ATP10B: variants seen among roughly 807,000 people sequenced by gnomAD.
ATP10B encodes phospholipid-transporting ATPase VB.
Under a neutral mutation model 141.2 loss-of-function variants are expected in ATP10B, and 122 were observed. The ratio of observed to expected loss-of-function variants is 0.86; its 90% CI spans 0.75 to 1.00. The LOEUF (loss-of-function observed/expected upper bound fraction) is 1.00. Among genes scored for constraint, ATP10B ranks in the 50% least tolerant of loss-of-function variants. ATP10B has a pLI of 0.00. For synonymous variants in ATP10B, 685 were observed against 692.0 expected (o/e 0.99, Z 0.16); for missense variants, 1,876 against 1,825.3 (o/e 1.03, Z -0.51).
intron 13 of ATP10B, among the ~76,000 whole-genome samples, chr5:160,629,741 A>G (rs1758814750): frequency 6.6e-6 from 1 of 152,172 alleles, no homozygotes; most frequent in Admixed American, 6.5e-5. Flanking sequence ...CATTTTAACA[A>G]TGGGTAGGTT....
At chr5:160,719,709 A>G (rs1419934581) in intron 2 of ATP10B, among the ~76,000 whole-genome samples, 1 of 152,262 alleles carries the variant, frequency 6.6e-6, no homozygotes. Flanking sequence ...AAGTAAAATA[A>G]TATGGCCATT....
At chr5:160,590,958 T>A in intron 23 of ATP10B, 101 bp downstream of exon 23, 1 of 998,012 alleles carries the variant, frequency 1.0e-6, no homozygotes, top group Non-Finnish European at 1.5e-6. Flanking sequence ...GAGCCTCTGC[T>A]CTAAAGTGTC....
intron 13 of ATP10B, among the ~76,000 whole-genome samples, chr5:160,625,334 A>G: frequency 6.6e-6 from 1 of 152,218 alleles, no homozygotes; most frequent in East Asian, 1.9e-4. Context: ...GCGTTTGTAT[A>G]TCTAATCCTT....
intron 6 of ATP10B, among the ~76,000 whole-genome samples, chr5:160,680,671 A>T (rs1439327498): frequency 6.6e-6 from 1 of 152,230 alleles, no homozygotes; most frequent in African/African-American, 2.4e-5. Context: ...TTTTTAAAAA[A>T]ACTTTGGCTT....
intron 3 of ATP10B, among the ~76,000 whole-genome samples, chr5:160,706,807 T>C (rs1428861681): frequency 1.3e-5 from 2 of 152,138 alleles, no homozygotes; most frequent in African/African-American, 4.8e-5. Context: ...CTGGGTGATT[T>C]TTTCACTTCT....
chr5:160,851,839 A>C (rs1256374580), intron 1 of ATP10B, 102 bp downstream of exon 1: 1 of 152,166 alleles, frequency 6.6e-6, no homozygotes, highest in Non-Finnish European at 1.5e-5. Flanking sequence ...GTGTAAAGAA[A>C]AGTAGTCATA....
At chr5:160,894,370 G>A in the ATP10B span, among the ~76,000 whole-genome samples, 1 of 151,802 alleles carries the variant, frequency 6.6e-6, no homozygotes, top group African/African-American at 2.4e-5. Context: ...TGACCTGATG[G>A]AGCTGAAAAA....
intron 1 of ATP10B, among the ~76,000 whole-genome samples, chr5:160,812,332 A>G (rs562766424): frequency 4.6e-5 from 7 of 152,318 alleles, no homozygotes; most frequent in African/African-American, 1.7e-4. Flanking sequence ...TATAATAAAT[A>G]CTTAACTATT....
At chr5:160,596,750 C>G (rs1000523258) in intron 22 of ATP10B, among the ~76,000 whole-genome samples, 6 of 151,978 alleles carry the variant, frequency 3.9e-5, no homozygotes, top group Non-Finnish European at 7.4e-5. Context: ...ACACCAATAA[C>G]AGACAAACAG....
chr5:160,914,166 GTTT>G, the ATP10B span, among the ~76,000 whole-genome samples: 1 of 152,078 alleles, frequency 6.6e-6, no homozygotes, highest in African/African-American at 2.4e-5. Context: ...AATTGAACAG[GTTT>G]TTTTATGTTT....
intron 9 of ATP10B, among the ~76,000 whole-genome samples, chr5:160,643,039 A>AGTCTGGAGG (rs1311587748): frequency 6.6e-6 from 1 of 151,396 alleles, no homozygotes; most frequent in Non-Finnish European, 1.5e-5. Context: ...ATTGCTGGAG[A>AGTCTGGAGG]GTTCATTTTT....
the ATP10B span, among the ~76,000 whole-genome samples, chr5:160,867,941 C>T: frequency 3.9e-5 from 6 of 152,150 alleles, no homozygotes; most frequent in Non-Finnish European, 7.4e-5. Context: ...TTTCTCAGAG[C>T]TGAACATGTA....
chr5:160,766,964 T>C (rs551994022), intron 2 of ATP10B, among the ~76,000 whole-genome samples: 6 of 151,994 alleles, frequency 3.9e-5, no homozygotes, highest in Admixed American at 6.6e-5. Context: ...CTTTGGGGGA[T>C]TTTTCAAGCT....
intron 2 of ATP10B, among the ~76,000 whole-genome samples, chr5:160,736,235 G>GA (rs1225004800): frequency 6.6e-6 from 1 of 151,670 alleles, no homozygotes; most frequent in Non-Finnish European, 1.5e-5. Flanking sequence ...GCCAGACCAA[G>GA]AAAAAAAGAG....
chr5:160,852,517 A>C (rs1301001501), upstream of ATP10B, among the ~76,000 whole-genome samples: 2 of 152,162 alleles, frequency 1.3e-5, no homozygotes, highest in Non-Finnish European at 2.9e-5. Flanking sequence ...GCACTTAAGA[A>C]AGAAAAGACT....
intron 2 of ATP10B, among the ~76,000 whole-genome samples, chr5:160,732,637 A>G (rs1211908180): frequency 6.6e-6 from 1 of 151,956 alleles, no homozygotes; most frequent in Non-Finnish European, 1.5e-5. Context: ...TGGGTTCTCT[A>G]TTTTGTTCCA....
In ATP10B at chr5:160,778,798, C is replaced by T. The variant is rs190538657; in HGVS notation, c.-331+6761G>A. On this transcript the variant is annotated intron_variant, in intron 2 of 25. Transcript: ENST00000327245. ...TAGGAGACCACTTTATCGACTAATT[C>T]CAGAGAGGCGAAAGGCACAGTGGCA... is the stretch of plus-strand genomic sequence containing the variant. Among the ~76,000 whole-genome samples, 463 of 152,262 alleles carry T rather than the reference C, an allele frequency of 3.0e-3. 2 individuals are homozygous for T. The highest frequency in any genetic ancestry group is 6.1e-3 in the Admixed American group (93 of 15,286).
At chr5:160,921,617 T>G in the ATP10B span, among the ~76,000 whole-genome samples, 1 of 152,220 alleles carries the variant, frequency 6.6e-6, no homozygotes, top group Non-Finnish European at 1.5e-5. Flanking sequence ...CACTCTCTGT[T>G]TGTGATAAGA....
At chr5:160,797,289 A>T (rs2127922545) in intron 1 of ATP10B, among the ~76,000 whole-genome samples, 1 of 152,310 alleles carries the variant, frequency 6.6e-6, no homozygotes, top group East Asian at 1.9e-4. Context: ...ATGCATGCAC[A>T]ACGAATTACT....
Sources: gnomAD v4.1 joint callset for allele counts (sites outside exome capture counted in the v4.1 genomes callset) on GRCh38, gnomAD v4.1.1 for gene constraint, MANE v1.5 for transcripts, NCBI Gene and HGNC (gene_info 2026-07-23, HGNC 2026-07-21) for gene names.